RGPD1: variants seen among roughly 807,000 people sequenced by gnomAD.
The protein encoded by RGPD1 is RANBP2 like and GRIP domain containing 1, also known as RANBP2-like and GRIP domain-containing protein 1.
RGPD1 carries 7 observed loss-of-function variants against 40.6 expected under a neutral mutation model. That is an observed-to-expected ratio of 0.17 (90% CI 0.10 to 0.32). The LOEUF (loss-of-function observed/expected upper bound fraction) is 0.32, where lower values mean the gene tolerates loss of function less well. Among genes scored for constraint, RGPD1 ranks in the 10% least tolerant of loss-of-function variants. The pLI, the probability that RGPD1 is intolerant of heterozygous loss-of-function variation, is 1.00. For missense variants in RGPD1, 50 were observed against 472.5 expected (o/e 0.11, Z 8.29); for synonymous variants, 24 against 167.0 (o/e 0.14, Z 6.60).
chr2:86,927,142 T>G (rs1483689383), intron 1 of RGPD1, among the ~76,000 whole-genome samples: 2 of 152,040 alleles, frequency 1.3e-5, no homozygotes, highest in Non-Finnish European at 2.9e-5. Context: ...ATGCCTTTTC[T>G]CAGATTGGAG....
chr2:86,941,376 G>C (rs1484662369), upstream of RGPD1, among the ~76,000 whole-genome samples: 1 of 150,714 alleles, frequency 6.6e-6, no homozygotes, highest in African/African-American at 2.4e-5. Flanking sequence ...AGATTTGGGG[G>C]GCTATTCCTT....
intron 1 of RGPD1, among the ~76,000 whole-genome samples, chr2:86,924,969 A>C (rs1292506446): frequency 4.6e-5 from 7 of 151,190 alleles, no homozygotes; most frequent in African/African-American, 1.7e-4. Flanking sequence ...AAAAATTTGA[A>C]AATTAGCCAG....
In RGPD1 at chr2:86,913,878, G is replaced by GGGGAGTT. The variant is rs1677561547; in HGVS notation, c.30_31insGGAGTTG (p.Tyr11GlyfsTer29). 6.3e-7 allele frequency: 1 copy of GGGGAGTT among 1,579,840 alleles called. No homozygotes were observed. Among genetic ancestry groups the GGGGAGTT allele is most frequent in the African/African-American group, 1.4e-5 (1 of 72,920 alleles). ...AGGCGCAGCAAGGCCTACGGGGAGC[G>GGGGAGTT]GTACCTCGCCTCGGTGCAGGGCTCC... is the stretch of plus-strand genomic sequence containing the variant. On this transcript the variant is annotated frameshift_variant, in exon 1 of 23. Coordinates refer to the RGPD1 transcript ENST00000398193. LOFTEE classifies it high-confidence loss of function.
At chr2:86,939,214 C>T (rs1679553698), upstream of RGPD1, among the ~76,000 whole-genome samples, 1 of 90,174 alleles carries the variant, frequency 1.1e-5, no homozygotes, top group South Asian at 4.4e-4. Flanking sequence ...TGTGAAAATC[C>T]GTAATAAATG....
intron 1 of RGPD1, among the ~76,000 whole-genome samples, chr2:86,944,467 A>G (rs1323345430): frequency 2.0e-5 from 3 of 151,274 alleles, no homozygotes; most frequent in African/African-American, 7.3e-5. Flanking sequence ...CAGTGGCGCT[A>G]TCTCGACTCA....
intron 1 of RGPD1, among the ~76,000 whole-genome samples, chr2:86,936,830 A>G (rs1679387510): frequency 6.9e-6 from 1 of 144,092 alleles, no homozygotes; most frequent in South Asian, 2.2e-4. Context: ...GGGACTCGAA[A>G]TTCTCCATTT....
chr2:86,918,239 C>T lies in RGPD1; in HGVS notation c.72+4318C>T, dbSNP rs1214712045. ...TAAGGCCTTACCTCTCACCCTCTTC[C>T]CCCAGTAACATCCTTACAGGCCCTT... On this transcript the variant is annotated intron_variant, in intron 1 of 22. Coordinates refer to the RGPD1 transcript ENST00000398193. Among the ~76,000 whole-genome samples the T allele has an allele frequency of 2.0e-5, 3 of 148,418 alleles. No homozygotes were observed. The East Asian group carries it at 5.8e-4, about 29-fold the overall frequency.
intron 1 of RGPD1, among the ~76,000 whole-genome samples, chr2:86,924,353 G>A (rs1354952814): frequency 6.7e-6 from 1 of 150,258 alleles, no homozygotes. Context: ...ACTGGATTTT[G>A]CCATGTTGGC....
intron 1 of RGPD1, among the ~76,000 whole-genome samples, chr2:86,944,885 G>C (rs1680223643): frequency 6.6e-6 from 1 of 151,146 alleles, no homozygotes; most frequent in Non-Finnish European, 1.5e-5. Flanking sequence ...ACCATGCCCG[G>C]CTTTTTTCTT....
intron 1 of RGPD1, chr2:86,930,726 C>T: frequency 6.5e-7 from 1 of 1,526,746 alleles, no homozygotes; most frequent in Non-Finnish European, 8.8e-7. Flanking sequence ...GGCCTCCTCG[C>T]TGCCGTTCCC....
intron 1 of RGPD1, among the ~76,000 whole-genome samples, chr2:86,925,388 TC>T (rs1678407574): frequency 6.6e-6 from 1 of 151,076 alleles, no homozygotes; most frequent in African/African-American, 2.4e-5. Flanking sequence ...TGCCTCAGCC[TC>T]CCGAGTAGCT....
intron 1 of RGPD1, among the ~76,000 whole-genome samples, chr2:86,925,145 G>T (rs553614426): frequency 1.3e-5 from 2 of 152,276 alleles, no homozygotes; most frequent in South Asian, 4.1e-4. Flanking sequence ...GTAAGCTGGT[G>T]AAGTTCTTAC....
chr2:86,920,023 A>T (rs1219419877), intron 1 of RGPD1, among the ~76,000 whole-genome samples: 4 of 151,932 alleles, frequency 2.6e-5, no homozygotes, highest in Non-Finnish European at 5.9e-5. Context: ...TGCTGTCTGC[A>T]ATTTCCTTGA....
chr2:87,007,353 ACC>A (rs1682089954), intron 22 of RGPD1, among the ~76,000 whole-genome samples: 1 of 148,590 alleles, frequency 6.7e-6, no homozygotes, highest in African/African-American at 2.5e-5. Context: ...GGTGCATGCC[ACC>A]ACGCCCGTCT....
chr2:86,944,311 C>T (rs1460577901), intron 1 of RGPD1, among the ~76,000 whole-genome samples: 2 of 152,044 alleles, frequency 1.3e-5, no homozygotes, highest in African/African-American at 2.4e-5. Flanking sequence ...TTTCAAACTG[C>T]TAGCATAGTA....
upstream of RGPD1, among the ~76,000 whole-genome samples, chr2:86,942,054 CCGAGTGCAGCTCGAG>C (rs1679814081): frequency 6.6e-6 from 1 of 151,526 alleles, no homozygotes; most frequent in Non-Finnish European, 1.5e-5. Context: ...AAGAGCCCGG[CCGAGTGCAGCTCGAG>C]CGCCGACGTC....
chr2:87,007,208 G>GTTT (rs1682082232), intron 22 of RGPD1, among the ~76,000 whole-genome samples: 2 of 113,496 alleles, frequency 1.8e-5, no homozygotes, highest in Non-Finnish European at 3.7e-5. Context: ...TGTTGTTGTT[G>GTTT]TTGTTGTTTT....
At chr2:86,914,039 CG>C in intron 1 of RGPD1, 1 of 56,166 alleles carries the variant, frequency 1.8e-5, no homozygotes, top group Admixed American at 2.1e-4. Flanking sequence ...GCGGCGGCGG[CG>C]GCGGCGGCGG....
chr2:86,936,762 A>T (rs1483784567), intron 1 of RGPD1, among the ~76,000 whole-genome samples: 2 of 121,460 alleles, frequency 1.6e-5, no homozygotes, highest in Non-Finnish European at 3.3e-5. Context: ...CTGCGATTAC[A>T]GGCGTGAGCC....
Sources: allele counts gnomAD v4.1 joint callset (sites outside exome capture counted in the v4.1 genomes callset), GRCh38; gene constraint gnomAD v4.1.1; transcripts MANE v1.5; gene names NCBI Gene and HGNC (gene_info 2026-07-23, HGNC 2026-07-21).